The following COL18A1 variants were observed in gnomAD, a reference collection of about 807,000 sequenced individuals.
COL18A1 encodes collagen alpha-1(XVIII) chain.
In COL18A1, 133 loss-of-function variants were observed where a neutral mutation model predicts 168.0. The ratio of observed to expected loss-of-function variants is 0.79; its 90% CI spans 0.69 to 0.91. COL18A1 has a LOEUF of 0.91. COL18A1 is among the 40% of genes least tolerant of loss of function. The pLI, the probability that COL18A1 is intolerant of heterozygous loss-of-function variation, is 0.00. For missense variants in COL18A1, 2,126 were observed against 1,925.4 expected (o/e 1.10, Z -1.95); for synonymous variants, 949 against 809.0 (o/e 1.17, Z -2.94).
intron 3 of COL18A1, 99 bp downstream of exon 3, chr21:45,468,885 G>A: frequency 7.9e-7 from 1 of 1,263,110 alleles, no homozygotes; most frequent in Non-Finnish European, 1.1e-6. Flanking sequence ...GCCGGAAGAG[G>A]AGAGCCCCCA....
At chr21:45,437,705 CTCAG>C (rs528901443) in intron 2 of COL18A1, among the ~76,000 whole-genome samples, 35 of 58,104 alleles carry the variant, frequency 6.0e-4, no homozygotes, top group Non-Finnish European at 7.2e-4. Context: ...CACACACACA[CTCAG>C]ACACACAGGC....
chr21:45,504,336 C>T lies in COL18A1; in HGVS notation c.2728-80C>T. On this transcript the variant is annotated intron_variant, in intron 33 of 41. Coordinates refer to ENST00000651438, the MANE Select transcript of COL18A1 (RefSeq NM_001379500.1). ...GCTCCGGAAGCTTCTGACTGCCCAG[C>T]CCTGGCTCGGGGGGATGGGAGGCCA... The T allele has an allele frequency of 3.4e-6, 5 of 1,455,108 alleles. No homozygotes were observed. In the East Asian group the frequency reaches 9.2e-5, roughly 27 times the overall value. The allele number at this position is 1,455,108 out of a possible 1,614,324, so 90.1% of individuals were successfully genotyped here.
At chr21:45,445,015 G>A (rs375878129) in intron 2 of COL18A1, among the ~76,000 whole-genome samples, 2 of 152,124 alleles carry the variant, frequency 1.3e-5, no homozygotes, top group South Asian at 2.1e-4. Context: ...CAATTCACTC[G>A]AAGTGTACAA....
In COL18A1 at chr21:45,510,191, C is replaced by T. The variant is rs761909920; in HGVS notation, c.3623C>T (p.Ser1208Leu). The change falls in exon 40 of 42, where the codon TCG (serine) becomes TTG (leucine). Residue 1208 changes from serine (S) to leucine (L), a missense_variant. Physicochemically the swap from Ser to Leu is moderately radical, Grantham distance 145. Coordinates refer to ENST00000651438, the MANE Select transcript of COL18A1 (RefSeq NM_001379500.1). ...GGCACCTTCCGCGCCTTCCTGTCCT[C>T]GCGCCTGCAGGACCTGTACAGCATC... ...LAGTFRAFLS[S>L]RLQDLYSIVR... is the part of the protein sequence containing the mutation. 8 of 1,598,966 alleles carry T rather than the reference C, an allele frequency of 5.0e-6. No individual in the cohort carries two copies. Among genetic ancestry groups the T allele is most frequent in the East Asian group, 4.6e-5 (2 of 43,676 alleles).
chr21:45,475,468 C>T lies in COL18A1; in HGVS notation c.739-8C>T. On this transcript the variant is annotated splice_region_variant and splice_polypyrimidine_tract_variant and intron_variant, in intron 4 of 41. Coordinates refer to ENST00000651438, the MANE Select transcript of COL18A1 (RefSeq NM_001379500.1). ...TCTCTCCAGCCTTTCCCTTTTCAAA[C>T]TCCTCAGGCATCCGGAGACTCTGGC... The T allele has an allele frequency of 1.3e-6, 2 of 1,596,818 alleles. No individual in the cohort carries two copies. The highest frequency in any genetic ancestry group is 1.1e-5 in the South Asian group (1 of 88,190).
rs11702379 is a variant in COL18A1, at chr21:45,502,003, C to A, written c.2684-2008C>A. On this transcript the variant is annotated intron_variant, in intron 32 of 41. Coordinates refer to ENST00000651438, the MANE Select transcript of COL18A1 (RefSeq NM_001379500.1). ...TGCAGAAGGACCCTCAGGGGCTCCA[C>A]AGCCGGTCACCTCCCTCTGCAGAAG... 3.2e-4 allele frequency among the ~76,000 whole-genome samples: 20 copies of A among 62,116 alleles called. 1 individual carries two copies. Among genetic ancestry groups the A allele is most frequent in the Admixed American group, 7.2e-4 (4 of 5,538 alleles). 40.8% of individuals were successfully genotyped at this position (62,116 alleles called of 152,430 possible). A position where few individuals can be genotyped will look rare whatever the true frequency, so the allele number is the denominator to read the frequency against.
rs2035659286 is a variant in COL18A1 at position 45,476,481 on chromosome 21, G to A, written c.928+1G>A. ...CAGACCACGGTGGCTTCGTTAGGAGGTAAGCTCTTTTCTGGATGTGGTGTG... is the reference window on the plus strand; with the variant it reads ...CAGACCACGGTGGCTTCGTTAGGAGATAAGCTCTTTTCTGGATGTGGTGTG... On this transcript the variant is annotated splice_donor_variant, in intron 6 of 41. Transcript: ENST00000651438. LOFTEE classifies it high-confidence loss of function. 2.5e-6 allele frequency: 4 copies of A among 1,601,426 alleles called. No homozygotes were observed. Among genetic ancestry groups the A allele is most frequent in the Admixed American group, 1.7e-5 (1 of 57,722 alleles).
rs1265785388 is a variant in COL18A1, at chr21:45,425,014, C to T, written c.106+19541C>T. The T allele has an allele frequency of 6.6e-6, 1 of 152,306 alleles. No individual in the cohort carries two copies. The highest frequency in any genetic ancestry group is 2.4e-5 in the African/African-American group (1 of 41,470). The allele number at this position is 152,306 out of a possible 1,614,324, so 9.4% of individuals were successfully genotyped here. A position where few individuals can be genotyped will look rare whatever the true frequency, so the allele number is the denominator to read the frequency against. On this transcript the variant is annotated intron_variant, in intron 2 of 41. Coordinates refer to ENST00000651438, the MANE Select transcript of COL18A1 (RefSeq NM_001379500.1). The surrounding 1 kb of genome is among the most constrained non-coding windows in gnomAD (Gnocchi z 4.1). ...CAGATCTCTCGCACCTGAAAATTTC[C>T]TCTGTAGCCATTCGCAGGAGGTTTC...
intron 2 of COL18A1, chr21:45,455,901 T>C (rs2034785956): frequency 1.2e-6 from 2 of 1,613,060 alleles, no homozygotes; most frequent in Non-Finnish European, 1.7e-6. Flanking sequence ...ATCCGGAGCT[T>C]CGTCCAGCTG....
At chr21:45,485,229 G>A (rs911355188) in intron 15 of COL18A1, among the ~76,000 whole-genome samples, 5 of 135,850 alleles carry the variant, frequency 3.7e-5, no homozygotes, top group Non-Finnish European at 6.0e-5. Flanking sequence ...TCGAACTCCT[G>A]CCCTCAGGTG....
chr21:45,512,492 G>C lies in COL18A1; in HGVS notation c.*94G>C. 4 of 1,186,214 alleles carry C rather than the reference G, an allele frequency of 3.4e-6. No individual in the cohort carries two copies. In the South Asian group the frequency reaches 5.2e-5, roughly 15 times the overall value. 73.5% of individuals were successfully genotyped at this position (1,186,214 alleles called of 1,614,324 possible). ...GCGGCCGGCCAGCCCCTGGCCCCAG[G>C]ACCTGGCTGCCATACTTTCCTGTAT... is the stretch of plus-strand genomic sequence containing the variant. On this transcript the variant is annotated 3_prime_UTR_variant, in exon 42 of 42. Coordinates refer to ENST00000651438, the MANE Select transcript of COL18A1 (RefSeq NM_001379500.1).
At chr21:45,438,505 C>G (rs1423341643) in intron 2 of COL18A1, among the ~76,000 whole-genome samples, 1 of 152,256 alleles carries the variant, frequency 6.6e-6, no homozygotes, top group African/African-American at 2.4e-5. Context: ...TCCTTGTTTT[C>G]TCGATGTTGG....
intron 41 of COL18A1, among the ~76,000 whole-genome samples, chr21:45,511,844 A>G (rs963422388): frequency 7.9e-5 from 12 of 152,214 alleles, no homozygotes; most frequent in African/African-American, 2.9e-4. Flanking sequence ...CCTGAAAGCC[A>G]GGAGCCCGGG....
At chr21:45,506,133 G>A in intron 37 of COL18A1, 167 bp downstream of exon 37, 1 of 1,091,296 alleles carries the variant, frequency 9.2e-7, no homozygotes, top group Non-Finnish European at 1.3e-6. Context: ...ATACTTTTGT[G>A]AGCAGTTTTG....
intron 16 of COL18A1, 98 bp downstream of exon 16, chr21:45,487,090 G>A: frequency 8.1e-7 from 1 of 1,228,040 alleles, no homozygotes; most frequent in Non-Finnish European, 1.1e-6. Flanking sequence ...AGCACGTCCT[G>A]GGCGGTGGCC....
chr21:45,471,540 C>T lies in COL18A1; in HGVS notation c.652-2355C>T, dbSNP rs188940600. On this transcript the variant is annotated intron_variant, in intron 3 of 41. Transcript: ENST00000651438. This position sits in a 1 kb window ranked among gnomAD's most constrained non-coding sequence, Gnocchi z 4.4. ...TGCCACAGATGGTGCCTGGGACCCC[C>T]GGCCGCAGCTGGGTCCAACAGAGCC... 3.2e-4 allele frequency among the ~76,000 whole-genome samples: 48 copies of T among 152,310 alleles called. 1 individual carries two copies. In the East Asian group the frequency reaches 6.0e-3, roughly 19 times the overall value.
At chr21:45,486,764 G>A in intron 15 of COL18A1, 97 bp from the exon 16 acceptor site, 3 of 1,338,100 alleles carry the variant, frequency 2.2e-6, no homozygotes, top group African/African-American at 1.5e-5. Flanking sequence ...TGATTTGCAG[G>A]GTTTAGAAAG....
At chr21:45,431,581 G>T (rs1173756176) in intron 2 of COL18A1, among the ~76,000 whole-genome samples, 14 of 151,588 alleles carry the variant, frequency 9.2e-5, no homozygotes. Flanking sequence ...GCGGCCCTGG[G>T]GGTCAGGGGT....
At chr21:45,486,483 G>C (rs1402241753) in intron 15 of COL18A1, among the ~76,000 whole-genome samples, 1 of 112,646 alleles carries the variant, frequency 8.9e-6, no homozygotes. Flanking sequence ...CGGGAGCCAG[G>C]GCTGGTCCCA....
Sources: allele counts gnomAD v4.1 joint callset (sites outside exome capture counted in the v4.1 genomes callset), GRCh38; gene constraint gnomAD v4.1.1; non-coding constraint Gnocchi (gnomAD v3.1); transcripts MANE v1.5; gene names NCBI Gene and HGNC (gene_info 2026-07-23, HGNC 2026-07-21).